The following CHRNG variants were observed in gnomAD, a reference collection of about 807,000 sequenced individuals.
CHRNG encodes cholinergic receptor nicotinic gamma subunit, also known as acetylcholine receptor subunit gamma.
A neutral mutation model predicts 65.2 loss-of-function variants in CHRNG; 72 were observed. The ratio of observed to expected loss-of-function variants is 1.10; its 90% CI spans 0.91 to 1.34. CHRNG has a LOEUF of 1.34. Among genes scored for constraint, CHRNG ranks in the 40% most tolerant of loss-of-function variants. The probability of loss-of-function intolerance (pLI) is 0.00; values close to 1 mark genes in which losing one functional copy is unlikely to be tolerated. For synonymous variants in CHRNG, 284 were observed against 290.2 expected (o/e 0.98, Z 0.22); for missense variants, 637 against 680.1 (o/e 0.94, Z 0.70).
rs978116504 is a variant in CHRNG at position 232,546,112 on chromosome 2, G to A, written c.*396G>A. 4.9e-5 allele frequency: 17 copies of A among 345,050 alleles called. No homozygotes were observed. Among genetic ancestry groups the A allele is most frequent in the Admixed American group, 4.4e-4 (11 of 25,272 alleles). 21.4% of individuals were successfully genotyped at this position (345,050 alleles called of 1,614,324 possible). A position where few individuals can be genotyped will look rare whatever the true frequency, so the allele number is the denominator to read the frequency against. On this transcript the variant is annotated 3_prime_UTR_variant, in exon 12 of 12. Coordinates refer to ENST00000651502, the MANE Select transcript of CHRNG (RefSeq NM_005199.5). ...TTTTACAAGTTCTCCCTGAAAGAGGGCAGTCACAAGAGGTGTGAAGAGTAG... is the reference window on the plus strand; with the variant it reads ...TTTTACAAGTTCTCCCTGAAAGAGGACAGTCACAAGAGGTGTGAAGAGTAG...
Position 232,539,800 on chromosome 2 carries a change from T to C in CHRNG, c.53T>C (p.Leu18Pro), listed in dbSNP as rs1177082347. Residue 18 changes from leucine (L) to proline (P), a missense_variant and splice_region_variant, in exon 1 of 12, where the codon CTG (leucine) becomes CCG (proline). Transcript: ENST00000651502. The stretch of plus-strand genomic sequence containing the variant: ...CTCCTGCTGCTGCTGGCTGTCTGCC[T>C]GGGTGGGACACAAAGGAATCTCAGC... The part of the protein sequence containing the change: ...LLLLLLLAVC[L>P]GAQGRNQEER... The C allele has an allele frequency of 1.9e-6, 3 of 1,613,712 alleles. No homozygotes were observed. The highest frequency in any genetic ancestry group is 2.2e-5 in the East Asian group (1 of 44,900).
In CHRNG at chr2:232,541,313, G is replaced by C; in HGVS notation, c.351-61G>C. The C allele has an allele frequency of 3.1e-6, 5 of 1,607,378 alleles. No homozygotes were observed. The highest frequency in any genetic ancestry group is 4.3e-6 in the Non-Finnish European group (5 of 1,175,348). On this transcript the variant is annotated intron_variant, in intron 4 of 11. Coordinates refer to ENST00000651502, the MANE Select transcript of CHRNG (RefSeq NM_005199.5). This position sits in a 1 kb window ranked among gnomAD's most constrained non-coding sequence, Gnocchi z 4.0. Reference sequence around the variant, plus strand: ...CACATGGGGCACAGGGGCTGGTCTGGGGCTGGGGTGTCGGGGGCTGAGCCC... The same window carrying C: ...CACATGGGGCACAGGGGCTGGTCTGCGGCTGGGGTGTCGGGGGCTGAGCCC...
rs761801498 is a variant in CHRNG, at chr2:232,540,560, C to T, written c.241-42C>T. 10 of 1,602,410 alleles carry T rather than the reference C, an allele frequency of 6.2e-6. No homozygotes were observed. Among genetic ancestry groups the T allele is most frequent in the Middle Eastern group, 1.7e-4 (1 of 6,046 alleles). The stretch of plus-strand genomic sequence containing the variant: ...GATGCCCACTCCTAGGGCTGTGGTG[C>T]AGCAGAGGGCAGAGGCCTAGCAACT... On this transcript the variant is annotated intron_variant, in intron 3 of 11. Transcript: ENST00000651502. The surrounding 1 kb of genome is among the most constrained non-coding windows in gnomAD (Gnocchi z 4.2).
At chr2:232,542,083 G>A (rs112944762) in intron 5 of CHRNG, among the ~76,000 whole-genome samples, 36 of 152,246 alleles carry the variant, frequency 2.4e-4, no homozygotes, top group African/African-American at 8.4e-4. Context: ...TGTAGACACG[G>A]GGGTCCTCCT....
chr2:232,541,544 TG>T lies in CHRNG; in HGVS notation c.506+19del. ...CTTATCTTCCAGTGAGGCCATTTATTGGGGAGGATTAAGAGAGCTGCTCTCA... is the reference window on the plus strand; with the variant it reads ...CTTATCTTCCAGTGAGGCCATTTATTGGGAGGATTAAGAGAGCTGCTCTCA... On this transcript the variant is annotated intron_variant, in intron 5 of 11. Coordinates refer to ENST00000651502, the MANE Select transcript of CHRNG (RefSeq NM_005199.5). The surrounding 1 kb of genome is among the most constrained non-coding windows in gnomAD (Gnocchi z 4.0). 6.2e-7 allele frequency: 1 copy of T among 1,612,670 alleles called. No individual in the cohort carries two copies.
chr2:232,543,616 C>T lies in CHRNG; in HGVS notation c.952C>T (p.Leu318Phe), dbSNP rs1363719983. ...YLTFLLVVTILIVVNAVVVLN... is the reference protein window; with the variant it reads ...YLTFLLVVTIFIVVNAVVVLN... ...GACCTTCCTCCTGGTGGTGACCATCCTCATTGTCGTGAATGCTGTGGTTGT... is the reference window on the plus strand; with the variant it reads ...GACCTTCCTCCTGGTGGTGACCATCTTCATTGTCGTGAATGCTGTGGTTGT... The change falls in exon 9 of 12, where the codon CTC becomes TTC. Residue 318 changes from leucine to phenylalanine, a missense_variant. Transcript: ENST00000651502. 2.5e-6 allele frequency: 4 copies of T among 1,613,516 alleles called. No homozygotes were observed. Among genetic ancestry groups the T allele is most frequent in the Non-Finnish European group, 3.4e-6 (4 of 1,179,552 alleles).
In CHRNG at chr2:232,543,395, G is replaced by T. The variant is rs1392907986; in HGVS notation, c.920+6G>T. The T allele has an allele frequency of 2.5e-6, 4 of 1,603,334 alleles. No homozygotes were observed. The highest frequency in any genetic ancestry group is 1.1e-5 in the South Asian group (1 of 90,880). ...GCGGTGCCACTCATCAGCAAGTAAG[G>T]CTGGTCTTCATGTCCACCCGCCTAT... On this transcript the variant is annotated splice_donor_region_variant and intron_variant, in intron 8 of 11. Transcript: ENST00000651502.
chr2:232,544,631 T>C, intron 10 of CHRNG, 51 bp downstream of exon 10: 1 of 1,579,004 alleles, frequency 6.3e-7, no homozygotes, highest in East Asian at 2.2e-5. Context: ...GGACCCCAGC[T>C]GGGGAGCCAG....
chr2:232,541,962 T>C lies in CHRNG; in HGVS notation c.506+433T>C, dbSNP rs1384787360. The C allele has an allele frequency of 1.5e-5, 5 of 326,894 alleles. No individual in the cohort carries two copies. The highest frequency in any genetic ancestry group is 3.1e-5 in the South Asian group (1 of 32,112). 20.2% of individuals were successfully genotyped at this position (326,894 alleles called of 1,614,324 possible). ...CAACCAAGCCACCCCTGGGGGTCTC[T>C]GGGTCTGTTTCCTCAAACCTAAGTG... On this transcript the variant is annotated intron_variant, in intron 5 of 11. Transcript: ENST00000651502. This position sits in a 1 kb window ranked among gnomAD's most constrained non-coding sequence, Gnocchi z 4.0.
chr2:232,541,315 G>A lies in CHRNG; in HGVS notation c.351-59G>A. Reference sequence around the variant, plus strand: ...CATGGGGCACAGGGGCTGGTCTGGGGCTGGGGTGTCGGGGGCTGAGCCCAC... The same window carrying A: ...CATGGGGCACAGGGGCTGGTCTGGGACTGGGGTGTCGGGGGCTGAGCCCAC... On this transcript the variant is annotated intron_variant, in intron 4 of 11. Transcript: ENST00000651502. The surrounding 1 kb of genome is among the most constrained non-coding windows in gnomAD (Gnocchi z 4.0). 6.2e-7 allele frequency: 1 copy of A among 1,608,874 alleles called. No individual in the cohort carries two copies.
At chr2:232,545,514 G>A (rs986791201) in intron 11 of CHRNG, 29 bp from the exon 12 acceptor site, 1 of 1,609,354 alleles carries the variant, frequency 6.2e-7, no homozygotes, top group Middle Eastern at 1.7e-4. Flanking sequence ...GCCGCCGCTG[G>A]TTATCCCACA....
At chr2:232,539,862 G>A (rs1291379533) in intron 1 of CHRNG, 60 bp downstream of exon 1, 4 of 1,609,904 alleles carry the variant, frequency 2.5e-6, no homozygotes, top group Non-Finnish European at 3.4e-6. Flanking sequence ...CAGCCTCAGG[G>A]GATGGAGGGT....
Position 232,539,802 on chromosome 2 carries a change from G to A in CHRNG, c.55G>A (p.Gly19Arg). Residue 19 changes from glycine (G) to arginine (R), a missense_variant and splice_region_variant, in exon 1 of 12, where the codon GGG becomes AGG. Physicochemically the swap from Gly to Arg is moderately radical, Grantham distance 125. Coordinates refer to ENST00000651502, the MANE Select transcript of CHRNG (RefSeq NM_005199.5). ...LLLLLLAVCL[G>R]AQGRNQEERL... ...CCTGCTGCTGCTGGCTGTCTGCCTG[G>A]GTGGGACACAAAGGAATCTCAGCCT... The A allele has an allele frequency of 8.1e-6, 13 of 1,613,796 alleles. No individual in the cohort carries two copies. The highest frequency in any genetic ancestry group is 1.1e-5 in the Non-Finnish European group (13 of 1,179,992).
At chr2:232,544,250 G>A (rs1199317518) in intron 9 of CHRNG, 117 bp from the exon 10 acceptor site, 14 of 833,110 alleles carry the variant, frequency 1.7e-5, no homozygotes, top group East Asian at 2.4e-5. Context: ...CCAAGGCCAC[G>A]TCACTGCCCC....
chr2:232,539,931 C>G (rs1479493504), intron 1 of CHRNG, 61 bp from the exon 2 acceptor site: 1 of 1,612,818 alleles, frequency 6.2e-7, no homozygotes, highest in Non-Finnish European at 8.5e-7. Context: ...TTCACACCCC[C>G]AGGGCCTCCC....
At chr2:232,545,093 T>TCA (rs1257677659) in intron 11 of CHRNG, among the ~76,000 whole-genome samples, 191 bp downstream of exon 11, 1 of 151,984 alleles carries the variant, frequency 6.6e-6, no homozygotes, top group African/African-American at 2.4e-5. Context: ...GGTCAGGAGT[T>TCA]TGAGACCAGC....
chr2:232,542,609 C>T (rs1427127962), intron 6 of CHRNG, 89 bp downstream of exon 6: 1 of 885,854 alleles, frequency 1.1e-6, no homozygotes, highest in Non-Finnish European at 1.9e-6. Context: ...AGGTCAAATC[C>T]CTCCCATGTA....
chr2:232,544,105 C>T (rs1174184436), intron 9 of CHRNG, among the ~76,000 whole-genome samples: 1 of 152,186 alleles, frequency 6.6e-6, no homozygotes, highest in Non-Finnish European at 1.5e-5. Flanking sequence ...GATTCCCAGG[C>T]CTGTCCCAGG....
At chr2:232,543,246 T>C in intron 7 of CHRNG, 29 bp from the exon 8 acceptor site, 1 of 1,596,680 alleles carries the variant, frequency 6.3e-7, no homozygotes, top group Non-Finnish European at 8.6e-7. Context: ...GGTAGGAACC[T>C]GCTCTGAGAG....
Sources: allele counts gnomAD v4.1 joint callset (sites outside exome capture counted in the v4.1 genomes callset), GRCh38; gene constraint gnomAD v4.1.1; non-coding constraint Gnocchi (gnomAD v3.1); transcripts MANE v1.5; gene names NCBI Gene and HGNC (gene_info 2026-07-23, HGNC 2026-07-21).